PCNT: variants seen among roughly 807,000 people sequenced by gnomAD.
PCNT encodes pericentrin.
Under a neutral mutation model 380.4 loss-of-function variants are expected in PCNT, and 319 were observed. The ratio of observed to expected loss-of-function variants is 0.84; its 90% CI spans 0.77 to 0.92. The LOEUF (loss-of-function observed/expected upper bound fraction) is 0.92, where lower values mean the gene tolerates loss of function less well. Ranked by LOEUF, PCNT falls within the 40% of genes least tolerant of loss-of-function variation. PCNT has a pLI of 0.00. For synonymous variants in PCNT, 1,845 were observed against 1,735.2 expected (o/e 1.06, Z -1.57); for missense variants, 4,400 against 4,255.3 (o/e 1.03, Z -0.95).
Position 46,436,060 on chromosome 21 carries a change from G to A in PCNT, c.8908G>A (p.Glu2970Lys), listed in dbSNP as rs750018593. The A allele has an allele frequency of 6.2e-7, 1 of 1,613,516 alleles. No homozygotes were observed. The highest frequency in any genetic ancestry group is 8.5e-7 in the Non-Finnish European group (1 of 1,179,954). Residue 2970 changes from glutamate (E) to lysine (K), a missense_variant, in exon 39 of 47, where the codon GAA becomes AAA. Coordinates refer to ENST00000359568, the MANE Select transcript of PCNT (RefSeq NM_006031.6). Reference sequence around the variant, plus strand: ...CGGCTCGGATGCGGACCACCTCCGGGAACAGCAGCGAGAGCTGGAGGCGAT... The same window carrying A: ...CGGCTCGGATGCGGACCACCTCCGGAAACAGCAGCGAGAGCTGGAGGCGAT... ...AAGSDADHLR[E>K]QQRELEAMRQ...
intron 46 of PCNT, 132 bp from the exon 47 acceptor site, chr21:46,445,152 C>T: frequency 1.3e-6 from 1 of 747,660 alleles, no homozygotes; most frequent in Non-Finnish European, 2.5e-6. Context: ...ATAATTTAAA[C>T]CACTGTATAA....
rs2084794058 is a variant in PCNT, at chr21:46,363,620, G to T, written c.2295G>T (p.Glu765Asp). ...AGGAGCTACAGCGGGAAGCTGAGGA[G>T]AAGTTAACATTGATGCTACTTGAAC... is the stretch of plus-strand genomic sequence containing the variant. ...MKEELQREAE[E>D]KLTLMLLELR... The change falls in exon 14 of 47, where the codon GAG (glutamate) becomes GAT (aspartate). Residue 765 changes from glutamate (E) to aspartate (D), a missense_variant. By Grantham distance (45) the Glu-to-Asp change is conservative. Coordinates refer to ENST00000359568, the MANE Select transcript of PCNT (RefSeq NM_006031.6). The T allele has an allele frequency of 1.9e-6, 3 of 1,614,128 alleles. No individual in the cohort carries two copies. The highest frequency in any genetic ancestry group is 2.7e-5 in the African/African-American group (2 of 74,946).
intron 3 of PCNT, among the ~76,000 whole-genome samples, chr21:46,342,264 G>A (rs144469353): frequency 1.5e-4 from 23 of 152,074 alleles, no homozygotes; most frequent in East Asian, 1.4e-3. Flanking sequence ...GCACAACTGC[G>A]GCCAGCTAAT....
intron 15 of PCNT, among the ~76,000 whole-genome samples, chr21:46,381,194 CTCTGTGTGTG>C (rs1342926579): frequency 3.3e-4 from 24 of 72,904 alleles, no homozygotes; most frequent in Non-Finnish European, 5.2e-4. Context: ...AAAAAAAAAT[CTCTGTGTGTG>C]TGTGTGTGTG....
Position 46,398,270 on chromosome 21 carries a change from A to G in PCNT, c.4584+15A>G. ...TGGATGGAGAGGTGAGGAGGCGTCA[A>G]CGAGATGGGCACTCCCTGCGCTGGC... On this transcript the variant is annotated intron_variant, in intron 24 of 46. Coordinates refer to ENST00000359568, the MANE Select transcript of PCNT (RefSeq NM_006031.6). 2 of 1,600,608 alleles carry G rather than the reference A, an allele frequency of 1.2e-6. No homozygotes were observed. Among genetic ancestry groups the G allele is most frequent in the Non-Finnish European group, 8.5e-7 (1 of 1,174,844 alleles).
At position 46,385,884 on chromosome 21, in the gene PCNT, A is replaced by C; in HGVS notation, c.3365A>C (p.Glu1122Ala). 1 of 1,614,146 alleles carries C rather than the reference A, an allele frequency of 6.2e-7. No individual in the cohort carries two copies. ...CACGAGATAGAAGAGTGCCGCTCCG[A>C]GTTGGAGGTGCTGCAGCAGAGGCGG... ...LSHEIEECRS[E>A]LEVLQQRRER... Residue 1122 changes from glutamate to alanine, a missense_variant, in exon 17 of 47, where the codon GAG becomes GCG. By Grantham distance (107) the Glu-to-Ala change is moderately radical. Transcript: ENST00000359568.
chr21:46,411,798 C>A lies in PCNT; in HGVS notation c.5725C>A (p.Pro1909Thr). Residue 1909 changes from proline to threonine, a missense_variant, in exon 28 of 47, where the codon CCC (proline) becomes ACC (threonine). Pro to Thr is a conservative substitution (Grantham distance 38). Coordinates refer to ENST00000359568, the MANE Select transcript of PCNT (RefSeq NM_006031.6). ...ARIRRALEQQ[P>T]LAAGAAPPEL... ...CATCCGCCGCGCCCTGGAGCAGCAG[C>A]CCCTGGCAGCCGGGGCGGCGCCTCC... 1 of 1,594,974 alleles carries A rather than the reference C, an allele frequency of 6.3e-7. No homozygotes were observed. The highest frequency in any genetic ancestry group is 8.5e-7 in the Non-Finnish European group (1 of 1,174,156).
At chr21:46,391,494 C>A in intron 21 of PCNT, 118 bp downstream of exon 21, 1 of 812,374 alleles carries the variant, frequency 1.2e-6, no homozygotes, top group Non-Finnish European at 1.9e-6. Context: ...TAAACCAGCA[C>A]GCAGCTTCTC....
intron 9 of PCNT, among the ~76,000 whole-genome samples, chr21:46,351,957 C>T (rs567813299): frequency 1.4e-4 from 22 of 152,242 alleles, no homozygotes; most frequent in Non-Finnish European, 2.6e-4. Context: ...CCCCAGCTCT[C>T]CAGGCCACTT....
intron 21 of PCNT, chr21:46,394,621 C>CTT: frequency 2.0e-6 from 1 of 498,288 alleles, no homozygotes; most frequent in Non-Finnish European, 2.6e-6. Context: ...AAGAAAAGTA[C>CTT]TTCAGACCTT....
At chr21:46,390,889 C>G in intron 20 of PCNT, 57 bp downstream of exon 20, 3 of 1,550,860 alleles carry the variant, frequency 1.9e-6, no homozygotes, top group Non-Finnish European at 2.6e-6. Context: ...GCAGGCCTGG[C>G]CTCACTGAGG....
intron 3 of PCNT, among the ~76,000 whole-genome samples, chr21:46,345,309 C>T (rs1039406939): frequency 6.6e-6 from 1 of 152,132 alleles, no homozygotes; most frequent in Non-Finnish European, 1.5e-5. Flanking sequence ...CCTCTGCCTT[C>T]CAGGTTCAAG....
intron 8 of PCNT, 82 bp from the exon 9 acceptor site, chr21:46,351,347 A>C (rs891852554): frequency 1.2e-6 from 1 of 808,006 alleles, no homozygotes; most frequent in Non-Finnish European, 2.2e-6. Context: ...TCGCAGTGGC[A>C]GGGATAAAAC....
intron 2 of PCNT, among the ~76,000 whole-genome samples, chr21:46,332,944 C>T (rs2083603709): frequency 1.3e-5 from 2 of 151,976 alleles, no homozygotes; most frequent in South Asian, 4.2e-4. Context: ...GAGACCCTGT[C>T]TCTACAAAAA....
Position 46,389,033 on chromosome 21 carries a change from G to A in PCNT, c.3607+149G>A, listed in dbSNP as rs559971125. On this transcript the variant is annotated intron_variant, in intron 18 of 46. Coordinates refer to ENST00000359568, the MANE Select transcript of PCNT (RefSeq NM_006031.6). ...CTAGTTTCCGCACTTACAGAAGGCC[G>A]AGACCGGGGTTTGGGCTAAATTTGT... 350 of 1,377,414 alleles carry A rather than the reference G, an allele frequency of 2.5e-4. No homozygotes were observed. The Middle Eastern group carries it at 2.7e-3, about 11-fold the overall frequency. 85.3% of individuals were successfully genotyped at this position (1,377,414 alleles called of 1,614,324 possible). A position where few individuals can be genotyped will look rare whatever the true frequency, so the allele number is the denominator to read the frequency against.
At chr21:46,391,090 CCCTT>C (rs1264022163) in intron 20 of PCNT, 70 bp from the exon 21 acceptor site, 1 of 1,406,256 alleles carries the variant, frequency 7.1e-7, no homozygotes, top group African/African-American at 1.4e-5. Flanking sequence ...GTGGCCCCGT[CCCTT>C]CCTCCAAGCA....
chr21:46,442,761 T>C (rs2053644101), intron 44 of PCNT, 188 bp downstream of exon 44: 4 of 641,604 alleles, frequency 6.2e-6, no homozygotes, highest in South Asian at 1.8e-5. Context: ...TCAGAGCTCA[T>C]GTTAGCTATG....
intron 43 of PCNT, among the ~76,000 whole-genome samples, chr21:46,442,057 C>T (rs1020235041): frequency 5.5e-4 from 83 of 152,198 alleles, no homozygotes; most frequent in African/African-American, 2.0e-3. Flanking sequence ...CGGACTCCTG[C>T]GAGGGCTGGG....
rs1338923328 is a variant in PCNT at position 46,357,011 on chromosome 21, G to A, written c.1974G>A (p.Gly658=). The change falls in exon 13 of 47, where the codon GGG becomes GGA. Residue 658 remains glycine (G), a synonymous_variant. Coordinates refer to ENST00000359568, the MANE Select transcript of PCNT (RefSeq NM_006031.6). ...TGCATCTCCAGGGTGTGCAGGACGGGGACTTGGAGGCCGACACAGAGCGGG... is the reference window on the plus strand; with the variant it reads ...TGCATCTCCAGGGTGTGCAGGACGGAGACTTGGAGGCCGACACAGAGCGGG... ...PWVHLQGVQD[G]DLEADTERAA... is the part of the protein sequence containing the mutation. 1 of 1,614,086 alleles carries A rather than the reference G, an allele frequency of 6.2e-7. No homozygotes were observed. The highest frequency in any genetic ancestry group is 1.3e-5 in the African/African-American group (1 of 74,928).
Sources: gnomAD v4.1 joint callset for allele counts (sites outside exome capture counted in the v4.1 genomes callset) on GRCh38, gnomAD v4.1.1 for gene constraint, MANE v1.5 for transcripts, NCBI Gene and HGNC (gene_info 2026-07-23, HGNC 2026-07-21) for gene names.